Variants in TEX9 observed in about 807,000 individuals in gnomAD.
The protein encoded by TEX9 is testis-expressed protein 9.
A neutral mutation model predicts 59.6 loss-of-function variants in TEX9; 74 were observed. The ratio of observed to expected loss-of-function variants is 1.24; its 90% CI spans 1.03 to 1.51. The LOEUF (loss-of-function observed/expected upper bound fraction) is 1.51. TEX9 is among the 40% of genes most tolerant of loss of function. TEX9 has a pLI of 0.00. For synonymous variants in TEX9, 186 were observed against 152.2 expected, an observed-to-expected ratio of 1.22 and a Z score of -1.64; for missense variants, 522 against 447.8, an observed-to-expected ratio of 1.17 and a Z score of -1.49.
chr15:56,284,984 ATG>A (rs2044914295), intron 1 of TEX9, among the ~76,000 whole-genome samples: 1 of 152,138 alleles, frequency 6.6e-6, no homozygotes, highest in Admixed American at 6.5e-5. Context: ...ATCTTCACTT[ATG>A]TGTTATTGAA....
At chr15:56,344,602 ACT>A (rs1476690933) in intron 1 of TEX9, among the ~76,000 whole-genome samples, 1 of 151,634 alleles carries the variant, frequency 6.6e-6, no homozygotes, top group African/African-American at 2.4e-5. Context: ...TGCTTGCAAA[ACT>A]CTGTGAAAAA....
At chr15:56,328,696 C>T (rs2046078650) in intron 1 of TEX9, among the ~76,000 whole-genome samples, 1 of 152,088 alleles carries the variant, frequency 6.6e-6, no homozygotes, top group African/African-American at 2.4e-5. Context: ...GTCTCCTCTG[C>T]TTGTGGAAAG....
intron 12 of TEX9, among the ~76,000 whole-genome samples, chr15:56,438,525 T>G (rs2050766724): frequency 6.6e-6 from 1 of 152,040 alleles, no homozygotes; most frequent in South Asian, 2.1e-4. Context: ...ATGTTAGACC[T>G]AAAACCATAA....
intron 9 of TEX9, among the ~76,000 whole-genome samples, chr15:56,401,844 A>G (rs921498283): frequency 3.3e-5 from 5 of 152,224 alleles, no homozygotes; most frequent in African/African-American, 1.2e-4. Context: ...AAACCACACA[A>G]CTACATGGAA....
chr15:56,409,922 C>T (rs1391694597), intron 9 of TEX9: 2 of 152,056 alleles, frequency 1.3e-5, no homozygotes, highest in South Asian at 2.1e-4. Flanking sequence ...CTTGATAGTC[C>T]TTAACACTGC....
intron 1 of TEX9, among the ~76,000 whole-genome samples, chr15:56,257,449 G>A (rs545234766): frequency 6.2e-4 from 94 of 152,164 alleles, no homozygotes; most frequent in Admixed American, 2.7e-3. Context: ...AACCTCACCA[G>A]CATCTGTTAT....
chr15:56,346,643 C>T (rs188468110), intron 1 of TEX9, among the ~76,000 whole-genome samples: 2 of 152,256 alleles, frequency 1.3e-5, no homozygotes, highest in African/African-American at 4.8e-5. Flanking sequence ...CTCAACCACA[C>T]GTTTTTCTTT....
At chr15:56,401,460 G>A (rs2048778379) in intron 9 of TEX9, among the ~76,000 whole-genome samples, 1 of 152,074 alleles carries the variant, frequency 6.6e-6, no homozygotes, top group African/African-American at 2.4e-5. Flanking sequence ...AAATATTTAT[G>A]CACCCAATAC....
intron 1 of TEX9, among the ~76,000 whole-genome samples, chr15:56,277,580 T>C (rs1161508557): frequency 6.6e-6 from 1 of 152,242 alleles, no homozygotes; most frequent in African/African-American, 2.4e-5. Context: ...ACTGTAGCCT[T>C]ACAGTTTGAA....
intron 1 of TEX9, among the ~76,000 whole-genome samples, chr15:56,252,264 A>G (rs1596043026): frequency 6.6e-6 from 1 of 151,916 alleles, no homozygotes; most frequent in Non-Finnish European, 1.5e-5. Flanking sequence ...ACTACAAACT[A>G]TATTTGGTCA....
intron 3 of TEX9, chr15:56,374,750 A>G (rs1402568707): frequency 6.6e-6 from 1 of 151,588 alleles, no homozygotes; most frequent in Non-Finnish European, 1.5e-5. Context: ...CTCTATCTCC[A>G]TATGTTAAGT....
At position 56,324,320 on chromosome 15, in the gene TEX9, G is replaced by A. The variant is rs367845148; in HGVS notation, c.-106-49121G>A. Among the ~76,000 whole-genome samples, 14 of 152,160 alleles carry A rather than the reference G, an allele frequency of 9.2e-5. No homozygotes were observed. The South Asian group carries it at 2.9e-3, about 32-fold the overall frequency. On this transcript the variant is annotated intron_variant, in intron 1 of 5. Coordinates refer to the TEX9 transcript ENST00000560827. Reference sequence around the variant, plus strand: ...GTCCTTCCTGGAAGCCTGCATATCAGATCATTACAAGTCTATACTTTAATT... The same window carrying A: ...GTCCTTCCTGGAAGCCTGCATATCAAATCATTACAAGTCTATACTTTAATT...
At chr15:56,286,414 G>A (rs145731154) in intron 1 of TEX9, among the ~76,000 whole-genome samples, 1 of 152,172 alleles carries the variant, frequency 6.6e-6, no homozygotes, top group African/African-American at 2.4e-5. Flanking sequence ...ACATCATCTT[G>A]TGCCACTAGG....
rs1421328772 is a variant in TEX9 at position 56,431,444 on chromosome 15, C to G, written c.*29+2971C>G. 1.2e-6 allele frequency: 2 copies of G among 1,613,518 alleles called. No individual in the cohort carries two copies. Among genetic ancestry groups the G allele is most frequent in the Non-Finnish European group, 1.7e-6 (2 of 1,179,880 alleles). On this transcript the variant is annotated intron_variant, in intron 12 of 12. Coordinates refer to ENST00000352903, the Ensembl canonical transcript of TEX9. ...TTTAGCCTTTCTTCTTCAATAATTG[C>G]ATTAATAAATCCTTGCCGCCTTTGC...
At chr15:56,360,420 C>A (rs1281540868) in intron 1 of TEX9, among the ~76,000 whole-genome samples, 5 of 152,078 alleles carry the variant, frequency 3.3e-5, no homozygotes, top group African/African-American at 4.8e-5. Flanking sequence ...TCTATTTCTC[C>A]TTGCATGAGT....
At chr15:56,258,252 G>C (rs916677016) in intron 1 of TEX9, among the ~76,000 whole-genome samples, 1 of 152,040 alleles carries the variant, frequency 6.6e-6, no homozygotes, top group African/African-American at 2.4e-5. Context: ...TTTTTGCCTA[G>C]TATTGCCTTA....
chr15:56,329,826 G>A (rs748194711), intron 1 of TEX9, among the ~76,000 whole-genome samples: 1 of 152,150 alleles, frequency 6.6e-6, no homozygotes, highest in Non-Finnish European at 1.5e-5. Flanking sequence ...GCAAATCTAA[G>A]AGCTATTAGC....
At chr15:56,460,009 A>AAAAAATATATAT in the TEX9 span, among the ~76,000 whole-genome samples, 18 of 26,374 alleles carry the variant, frequency 6.8e-4, 5 homozygotes, top group South Asian at 1.5e-3. Flanking sequence ...AAAAAAAAAA[A>AAAAAATATATAT]ATACATATAT....
downstream of TEX9, chr15:56,446,850 A>T: frequency 6.2e-7 from 1 of 1,605,024 alleles, no homozygotes; most frequent in African/African-American, 1.3e-5. Flanking sequence ...CCATTTGTTC[A>T]TATTTAATGG....
Sources: gnomAD v4.1 joint callset for allele counts (sites outside exome capture counted in the v4.1 genomes callset) on GRCh38, gnomAD v4.1.1 for gene constraint, MANE v1.5 for transcripts, NCBI Gene and HGNC (gene_info 2026-07-23, HGNC 2026-07-21) for gene names.